THSD7B: variants seen among roughly 807,000 people sequenced by gnomAD.
THSD7B encodes the protein thrombospondin type 1 domain containing 7B, also known as thrombospondin type-1 domain-containing protein 7B.
A neutral mutation model predicts 213.6 loss-of-function variants in THSD7B; 138 were observed. That is an observed-to-expected ratio of 0.65 (90% CI 0.56 to 0.74). THSD7B has a LOEUF of 0.74. Ranked by LOEUF, THSD7B falls within the 30% of genes least tolerant of loss-of-function variation. The pLI is 0.00. For synonymous variants in THSD7B, 742 were observed against 687.0 expected, an observed-to-expected ratio of 1.08 and a Z score of -1.25; for missense variants, 1,931 against 1,991.5, an observed-to-expected ratio of 0.97 and a Z score of 0.58.
intron 13 of THSD7B, among the ~76,000 whole-genome samples, chr2:137,408,454 T>A (rs1686578106): frequency 6.6e-6 from 1 of 152,170 alleles, no homozygotes; most frequent in Non-Finnish European, 1.5e-5. Context: ...GTAGACACGA[T>A]CCTAACTTAA....
At chr2:137,283,075 A>T (rs1222508558) in intron 12 of THSD7B, among the ~76,000 whole-genome samples, 1 of 152,122 alleles carries the variant, frequency 6.6e-6, no homozygotes, top group Middle Eastern at 3.4e-3. Flanking sequence ...AGCCTCTTTT[A>T]TTTCATTGAT....
chr2:136,950,844 C>T (rs1009043269), intron 2 of THSD7B, among the ~76,000 whole-genome samples: 6 of 152,126 alleles, frequency 3.9e-5, no homozygotes, highest in African/African-American at 1.2e-4. Flanking sequence ...CATGGTTGTG[C>T]GTGGCATTCT....
intron 2 of THSD7B, among the ~76,000 whole-genome samples, chr2:137,020,588 A>G (rs1686424475): frequency 6.6e-6 from 1 of 152,130 alleles, no homozygotes; most frequent in African/African-American, 2.4e-5. Flanking sequence ...CAGTTATGGC[A>G]GAGAGGAGAA....
chr2:137,175,754 C>G (rs1311154750), intron 7 of THSD7B, among the ~76,000 whole-genome samples: 1 of 152,068 alleles, frequency 6.6e-6, no homozygotes, highest in Admixed American at 6.6e-5. Context: ...AATCATTTAC[C>G]TAAGTTGGAT....
At chr2:137,203,050 A>G (rs1188873203) in intron 7 of THSD7B, among the ~76,000 whole-genome samples, 1 of 97,654 alleles carries the variant, frequency 1.0e-5, no homozygotes, top group African/African-American at 4.4e-5. Context: ...TGATGGATAA[A>G]CAGTATTTTG....
intron 15 of THSD7B, among the ~76,000 whole-genome samples, chr2:137,543,725 G>A (rs1334241672): frequency 6.6e-6 from 1 of 151,692 alleles, no homozygotes; most frequent in Non-Finnish European, 1.5e-5. Context: ...TCTGATAAGG[G>A]TGTAGTATTG....
intron 17 of THSD7B, among the ~76,000 whole-genome samples, chr2:137,587,923 T>C (rs1681774882): frequency 3.3e-5 from 5 of 152,230 alleles, no homozygotes; most frequent in African/African-American, 1.2e-4. Flanking sequence ...GGCTGTGCCC[T>C]GCCCCCAGAG....
intron 14 of THSD7B, among the ~76,000 whole-genome samples, chr2:137,450,014 A>G (rs535431084): frequency 2.6e-5 from 4 of 152,200 alleles, no homozygotes; most frequent in Non-Finnish European, 5.9e-5. Flanking sequence ...GGAAAGGAAC[A>G]CAAGAGAAGT....
intron 27 of THSD7B, among the ~76,000 whole-genome samples, chr2:137,675,213 T>C (rs533981067): frequency 9.9e-5 from 15 of 151,866 alleles, no homozygotes; most frequent in African/African-American, 3.6e-4. Flanking sequence ...GAGTGCAGAG[T>C]TGCCTTTTGG....
intron 2 of THSD7B, among the ~76,000 whole-genome samples, chr2:136,955,075 T>A (rs11891639): frequency 0.074 from 11,267 of 152,124 alleles, 671 homozygotes; most frequent in African/African-American, 0.16. Context: ...GAAGACTAGA[T>A]TGGAGGGTTA....
At chr2:136,902,648 A>G (rs187154405) in intron 2 of THSD7B, among the ~76,000 whole-genome samples, 59 of 152,332 alleles carry the variant, frequency 3.9e-4, no homozygotes, top group African/African-American at 1.4e-3. Flanking sequence ...ACATTTTACA[A>G]TCTAAACAGT....
Position 137,095,043 on chromosome 2 carries a change from G to C in THSD7B, c.1121G>C (p.Gly374Ala), listed in dbSNP as rs751622400. The C allele has an allele frequency of 9.3e-6, 15 of 1,613,740 alleles. No homozygotes were observed. In the Admixed American group the frequency reaches 1.0e-4, roughly 11 times the overall value. ...RSRNVKHMAI[G>A]GGKECPELLE... ...CGGAACGTGAAGCACATGGCTATTG[G>C]AGGTGGAAAGGAGTGTCCTGAACTT... The change falls in exon 4 of 28, where the codon GGA becomes GCA. Residue 374 changes from glycine (G) to alanine (A), a missense_variant. Physicochemically the swap from Gly to Ala is moderately conservative, Grantham distance 60 (BLOSUM62 0). Transcript: ENST00000409968.
intron 15 of THSD7B, among the ~76,000 whole-genome samples, chr2:137,557,037 C>T (rs370147397): frequency 0.074 from 11,206 of 151,726 alleles, 450 homozygotes; most frequent in African/African-American, 0.09. Context: ...CCCAGATTCA[C>T]AAAGCAAGTC....
chr2:136,791,049 A>G (rs1260996610), intron 1 of THSD7B, among the ~76,000 whole-genome samples: 1 of 152,056 alleles, frequency 6.6e-6, no homozygotes, highest in Non-Finnish European at 1.5e-5. Flanking sequence ...TCAAGAAGAC[A>G]TTGCATCTGG....
intron 20 of THSD7B, among the ~76,000 whole-genome samples, chr2:137,631,175 TAG>T (rs916505403): frequency 1.3e-5 from 2 of 152,198 alleles, no homozygotes; most frequent in Non-Finnish European, 2.9e-5. Context: ...TATTTCAATT[TAG>T]AGAGAGACCG....
intron 12 of THSD7B, among the ~76,000 whole-genome samples, chr2:137,400,600 A>G (rs548760833): frequency 2.6e-5 from 4 of 152,242 alleles, no homozygotes; most frequent in Admixed American, 1.3e-4. Context: ...GGCATACGCA[A>G]TGAGGGATGG....
At chr2:137,599,255 T>G (rs1682029609) in intron 17 of THSD7B, among the ~76,000 whole-genome samples, 1 of 152,024 alleles carries the variant, frequency 6.6e-6, no homozygotes, top group African/African-American at 2.4e-5. Context: ...GGTGTATATG[T>G]GCCACATTTT....
intron 5 of THSD7B, among the ~76,000 whole-genome samples, chr2:137,119,015 A>G (rs888376962): frequency 3.9e-5 from 6 of 152,148 alleles, no homozygotes; most frequent in African/African-American, 1.4e-4. Flanking sequence ...TGATTCAATT[A>G]TCTCCCACTG....
intron 2 of THSD7B, among the ~76,000 whole-genome samples, chr2:136,955,620 G>C (rs538499933): frequency 2.0e-5 from 3 of 152,060 alleles, no homozygotes; most frequent in Non-Finnish European, 4.4e-5. Context: ...ATTTTAATCC[G>C]ATCTCTCAGA....
Sources: gnomAD v4.1 joint callset for allele counts (sites outside exome capture counted in the v4.1 genomes callset) on GRCh38, gnomAD v4.1.1 for gene constraint, MANE v1.5 for transcripts, NCBI Gene and HGNC (gene_info 2026-07-23, HGNC 2026-07-21) for gene names.